Variants in ZNF665 observed in about 807,000 individuals in gnomAD.
ZNF665 encodes zinc finger protein 665.
ZNF665 carries 6 observed loss-of-function variants against 7.9 expected under a neutral mutation model. The ratio of observed to expected loss-of-function variants is 0.76; its 90% CI spans 0.42 to 1.50. The LOEUF (loss-of-function observed/expected upper bound fraction) is 1.50. Ranked by LOEUF, ZNF665 falls within the 40% of genes most tolerant of loss-of-function variation. The pLI is 0.01. For missense variants in ZNF665, 819 were observed against 806.7 expected (o/e 1.02, Z -0.18); for synonymous variants, 242 against 274.5 (o/e 0.88, Z 1.17).
At chr19:53,175,328 G>A in intron 3 of ZNF665, 117 bp downstream of exon 3, 10 of 1,268,732 alleles carry the variant, frequency 7.9e-6, no homozygotes, top group Non-Finnish European at 1.1e-5. Context: ...TTTCATTTAT[G>A]AGTCAACAGG....
chr19:53,171,522 A>ATTT (rs1271373888), intron 3 of ZNF665, among the ~76,000 whole-genome samples: 188 of 75,370 alleles, frequency 2.5e-3, no homozygotes, highest in Non-Finnish European at 3.7e-3. Context: ...ATATATATAT[A>ATTT]TATTTTTTTT....
intron 1 of ZNF665, among the ~76,000 whole-genome samples, chr19:53,192,415 G>A (rs903215961): frequency 4.6e-5 from 7 of 152,058 alleles, no homozygotes; most frequent in Non-Finnish European, 8.8e-5. Context: ...CTAACTCTCC[G>A]TCTGAGGAGC....
At chr19:53,170,358 T>C (rs1168295409) in intron 3 of ZNF665, among the ~76,000 whole-genome samples, 1 of 152,212 alleles carries the variant, frequency 6.6e-6, no homozygotes, top group Non-Finnish European at 1.5e-5. Flanking sequence ...AATGATGGAA[T>C]CACGCTTATT....
chr19:53,183,286 C>A (rs765451607), intron 1 of ZNF665, among the ~76,000 whole-genome samples: 5 of 152,146 alleles, frequency 3.3e-5, no homozygotes, highest in Non-Finnish European at 7.4e-5. Flanking sequence ...TGAGCACAGT[C>A]CCTCTCCCCT....
At chr19:53,167,525 C>G (rs913532912) in intron 3 of ZNF665, among the ~76,000 whole-genome samples, 1 of 150,590 alleles carries the variant, frequency 6.6e-6, no homozygotes, top group African/African-American at 2.4e-5. Flanking sequence ...CGGCTCACTG[C>G]AAGCTCCGCC....
chr19:53,170,259 T>TA (rs1429989334), intron 3 of ZNF665, among the ~76,000 whole-genome samples: 5 of 152,234 alleles, frequency 3.3e-5, no homozygotes, highest in African/African-American at 4.8e-5. Flanking sequence ...ATAACTTTTT[T>TA]AAAAAAAACT....
intron 2 of ZNF665, among the ~76,000 whole-genome samples, chr19:53,178,287 C>T (rs1021652117): frequency 3.9e-5 from 6 of 152,210 alleles, no homozygotes; most frequent in East Asian, 1.9e-4. Context: ...CAGCTGCTCA[C>T]GTTCTACTGT....
chr19:53,193,048 T>G (rs1239180021), intron 1 of ZNF665, among the ~76,000 whole-genome samples: 2 of 151,788 alleles, frequency 1.3e-5, no homozygotes, highest in East Asian at 3.9e-4. Context: ...AGGGCGCAGG[T>G]CAGTAAAGGG....
chr19:53,184,864 T>C (rs145641969), intron 1 of ZNF665, among the ~76,000 whole-genome samples: 2,819 of 151,030 alleles, frequency 0.019, 57 homozygotes, highest in African/African-American at 0.047. Context: ...ATAGGTAAGG[T>C]CACGTGGGTC....
At chr19:53,189,855 G>A (rs140609035) in intron 1 of ZNF665, among the ~76,000 whole-genome samples, 3 of 152,012 alleles carry the variant, frequency 2.0e-5, no homozygotes, top group Non-Finnish European at 4.4e-5. Flanking sequence ...ACCACGGTCC[G>A]CCTGGCAACG....
In ZNF665 at chr19:53,182,868, G is replaced by T. The variant is rs201812746; in HGVS notation, c.15+16C>A. On this transcript the variant is annotated intron_variant, in intron 2 of 3. Transcript: ENST00000396424. ...AAGGAAGGAGACAGAACAATCCACC[G>T]AGAATATCATCTCACCTGAGGAAGA... The T allele has an allele frequency of 1.2e-5, 20 of 1,612,980 alleles. No individual in the cohort carries two copies. Among genetic ancestry groups the T allele is most frequent in the East Asian group, 4.5e-5 (2 of 44,876 alleles).
chr19:53,180,350 T>C (rs758289482), intron 2 of ZNF665, among the ~76,000 whole-genome samples: 1 of 152,002 alleles, frequency 6.6e-6, no homozygotes, highest in Non-Finnish European at 1.5e-5. Flanking sequence ...GGAGAATTGC[T>C]TGAACCTAGG....
chr19:53,177,434 C>G (rs1471826617), intron 2 of ZNF665, among the ~76,000 whole-genome samples: 1 of 151,674 alleles, frequency 6.6e-6, no homozygotes, highest in African/African-American at 2.4e-5. Context: ...GCTGTCTCTA[C>G]TAAAAATACA....
chr19:53,169,654 G>T (rs963902995), intron 3 of ZNF665, among the ~76,000 whole-genome samples: 2 of 151,986 alleles, frequency 1.3e-5, no homozygotes, highest in African/African-American at 4.8e-5. Context: ...TTAGCATTAG[G>T]TGTATCTCCT....
In ZNF665 at chr19:53,192,811, G is replaced by C. The variant is rs116617498; in HGVS notation, c.-46+501C>G. ...CCCCAACGCGGGCTCAGGGGAAACG[G>C]TGACTGCGAAGGGGAGGCCTAGGGA... On this transcript the variant is annotated intron_variant, in intron 1 of 3. Transcript: ENST00000396424. 7.8e-3 allele frequency among the ~76,000 whole-genome samples: 1,193 copies of C among 152,188 alleles called. 14 individuals are homozygous for C. The highest frequency in any genetic ancestry group is 0.027 in the African/African-American group (1,125 of 41,526).
Position 53,165,197 on chromosome 19 carries a change from C to T in ZNF665, c.1293G>A (p.Arg431=), listed in dbSNP as rs2090599081. 1 of 1,614,120 alleles carries T rather than the reference C, an allele frequency of 6.2e-7. No homozygotes were observed. The highest frequency in any genetic ancestry group is 8.5e-7 in the Non-Finnish European group (1 of 1,180,024). The part of the protein sequence containing the change: ...RRIHTGEKPY[R]CDECGKAFSV... ...TAAAGGCTTTGCCACACTCATCACA[C>T]CTGTAAGGTTTCTCTCCAGTATGAA... The change falls in exon 4 of 4, where the codon AGG becomes AGA. Residue 431 remains arginine (R), a synonymous_variant. Transcript: ENST00000396424.
Position 53,165,113 on chromosome 19 carries a change from T to C in ZNF665, c.1377A>G (p.Lys459=). ...QAIHTGEKPY[K]CNDCGKVFTQ... ...TGAAGACCTTACCGCAGTCATTACA[T>C]TTGTAAGGCTTTTCTCCAGTATGAA... Residue 459 remains lysine, a synonymous_variant, in exon 4 of 4, where the codon AAA becomes AAG. Coordinates refer to ENST00000396424, the MANE Select transcript of ZNF665 (RefSeq NM_024733.5). 6.2e-7 allele frequency: 1 copy of C among 1,614,030 alleles called. No individual in the cohort carries two copies. The highest frequency in any genetic ancestry group is 2.2e-5 in the East Asian group (1 of 44,864).
At chr19:53,181,570 G>A (rs1482771239) in intron 2 of ZNF665, 1 of 152,114 alleles carries the variant, frequency 6.6e-6, no homozygotes, top group Non-Finnish European at 1.5e-5. Context: ...CCCAGGAGAA[G>A]AATGCATTGA....
At position 53,175,546 on chromosome 19, in the gene ZNF665, G is replaced by A; in HGVS notation, c.41C>T (p.Ala14Val). The A allele has an allele frequency of 6.2e-7, 1 of 1,608,130 alleles. No individual in the cohort carries two copies. The highest frequency in any genetic ancestry group is 8.5e-7 in the Non-Finnish European group (1 of 1,178,352). ...CCACTCCTCCTGAGAGAATTCTATG[G>A]CCACATCCTTGAATGTCAACTGTCC... ...PQGQLTFKDV[A>V]IEFSQEEWTC... The change falls in exon 3 of 4, where the codon GCC (alanine) becomes GTC (valine). Residue 14 changes from alanine to valine, a missense_variant. Coordinates refer to ENST00000396424, the MANE Select transcript of ZNF665 (RefSeq NM_024733.5).
Sources: gnomAD v4.1 joint callset for allele counts (sites outside exome capture counted in the v4.1 genomes callset) on GRCh38, gnomAD v4.1.1 for gene constraint, MANE v1.5 for transcripts, NCBI Gene and HGNC (gene_info 2026-07-23, HGNC 2026-07-21) for gene names.